The following ARID1B variants were observed in gnomAD, a reference collection of about 807,000 sequenced individuals.
ARID1B encodes AT-rich interaction domain 1B.
In ARID1B, 30 loss-of-function variants were observed where a neutral mutation model predicts 212.3. The ratio of observed to expected loss-of-function variants is 0.14; its 90% confidence interval spans 0.11 to 0.19. ARID1B has a LOEUF of 0.19. Ranked by LOEUF, ARID1B falls within the 10% of genes least tolerant of loss-of-function variation. The pLI is 1.00. For synonymous variants in ARID1B, 1,402 were observed against 1,301.7 expected, an observed-to-expected ratio of 1.08 and a Z score of -1.66; for missense variants, 2,891 against 3,204.0, an observed-to-expected ratio of 0.90 and a Z score of 2.36.
At chr6:157,104,910 A>G (rs1047227448) in intron 5 of ARID1B, among the ~76,000 whole-genome samples, 6 of 152,218 alleles carry the variant, frequency 3.9e-5, no homozygotes, top group African/African-American at 1.4e-4. Context: ...AAAACTTAGA[A>G]AACACTGAAA....
At chr6:156,966,402 T>C (rs1251985853) in intron 4 of ARID1B, among the ~76,000 whole-genome samples, 6 of 145,852 alleles carry the variant, frequency 4.1e-5, no homozygotes, top group South Asian at 2.1e-4. Context: ...TTTTTTTTTT[T>C]TTTTTTTTGA....
chr6:157,162,607 G>A (rs1471175385), intron 8 of ARID1B, among the ~76,000 whole-genome samples: 1 of 152,212 alleles, frequency 6.6e-6, no homozygotes, highest in Non-Finnish European at 1.5e-5. Context: ...TAGAATGACA[G>A]TTCTTAAATA....
rs58722867 is a variant in ARID1B at position 156,946,203 on chromosome 6, G to GAAAA, written c.2247+10641_2247+10644dup. ...GAAACCCCGTCTCTACTAAAAATAC[G>GAAAA]AAAAAAAAAAAAAAAAATGTTCGCC... On this transcript the variant is annotated intron_variant, in intron 4 of 19. Transcript: ENST00000636930. Among the ~76,000 whole-genome samples, 653 of 127,980 alleles carry GAAAA rather than the reference G, an allele frequency of 5.1e-3. 7 individuals are homozygous for GAAAA. Among genetic ancestry groups the GAAAA allele is most frequent in the African/African-American group, 0.018 (623 of 35,122 alleles). The allele number at this position is 127,980 out of a possible 152,430, so 84.0% of individuals were successfully genotyped here.
chr6:156,782,396 G>C (rs1179156693), intron 1 of ARID1B, among the ~76,000 whole-genome samples: 1 of 151,998 alleles, frequency 6.6e-6, no homozygotes, highest in Non-Finnish European at 1.5e-5. Flanking sequence ...GCCATTTGAC[G>C]ATTCAGTTTA....
intron 1 of ARID1B, among the ~76,000 whole-genome samples, chr6:156,800,076 A>G (rs1780671210): frequency 1.3e-5 from 2 of 152,102 alleles, no homozygotes; most frequent in Non-Finnish European, 2.9e-5. Flanking sequence ...ACTGAAGCGT[A>G]TTTCTTCTTT....
intron 4 of ARID1B, among the ~76,000 whole-genome samples, chr6:156,951,437 TTTTC>T (rs1402028113): frequency 1.3e-5 from 2 of 152,218 alleles, no homozygotes; most frequent in East Asian, 3.9e-4. Flanking sequence ...ACTTCATTTA[TTTTC>T]TTTCTTTTTC....
intron 4 of ARID1B, among the ~76,000 whole-genome samples, chr6:156,999,577 G>A (rs1366648194): frequency 7.9e-5 from 12 of 152,212 alleles, no homozygotes; most frequent in Non-Finnish European, 8.8e-5. Context: ...TGATGCTAGT[G>A]ATGAAGAGCC....
intron 5 of ARID1B, among the ~76,000 whole-genome samples, chr6:157,095,950 C>CCGA (rs1490713115): frequency 6.6e-6 from 1 of 152,172 alleles, no homozygotes; most frequent in African/African-American, 2.4e-5. Flanking sequence ...TTCTTAGAAG[C>CCGA]CGACGGAGGA....
At chr6:156,843,878 G>C (rs776637066) in intron 2 of ARID1B, among the ~76,000 whole-genome samples, 12 of 152,176 alleles carry the variant, frequency 7.9e-5, no homozygotes, top group Non-Finnish European at 1.5e-4. Flanking sequence ...CTTGGATGCA[G>C]TGTGAGGAGT....
chr6:156,998,937 C>T (rs1646389032), intron 4 of ARID1B, among the ~76,000 whole-genome samples: 1 of 152,350 alleles, frequency 6.6e-6, no homozygotes, highest in Non-Finnish European at 1.5e-5. Flanking sequence ...GCAGGCTTCA[C>T]TGGTGTGAGA....
At chr6:156,811,752 C>T (rs1781565840) in intron 1 of ARID1B, among the ~76,000 whole-genome samples, 1 of 152,100 alleles carries the variant, frequency 6.6e-6, no homozygotes, top group Non-Finnish European at 1.5e-5. Flanking sequence ...GACGCTAGTC[C>T]CAAATACAAT....
Position 157,200,559 on chromosome 6 carries a change from ATTGTTAGTTCTCTG to A in ARID1B, c.4480-139_4480-126del. The stretch of plus-strand genomic sequence containing the variant: ...TATAATACTGAAATATTGAACATAA[ATTGTTAGTTCTCTG>A]TTGTTATAGGAGCTTCCCATATTCA... On this transcript the variant is annotated intron_variant, in intron 17 of 19. Transcript: ENST00000636930. The surrounding 1 kb of genome is among the most constrained non-coding windows in gnomAD (Gnocchi z 4.3). 1 of 866,650 alleles carries A rather than the reference ATTGTTAGTTCTCTG, an allele frequency of 1.2e-6. No homozygotes were observed. The highest frequency in any genetic ancestry group is 1.7e-6 in the Non-Finnish European group (1 of 580,900). The allele number at this position is 866,650 out of a possible 1,614,324, so 53.7% of individuals were successfully genotyped here.
chr6:157,093,618 A>G (rs1240836447), intron 5 of ARID1B, among the ~76,000 whole-genome samples: 1 of 152,244 alleles, frequency 6.6e-6, no homozygotes, highest in Non-Finnish European at 1.5e-5. Context: ...GGAATTGTTA[A>G]TGTTGATATT....
At chr6:157,108,643 C>T (rs573740929) in intron 5 of ARID1B, among the ~76,000 whole-genome samples, 3 of 152,296 alleles carry the variant, frequency 2.0e-5, no homozygotes, top group African/African-American at 4.8e-5. Flanking sequence ...GTAGCCAAGT[C>T]GGTGACCAGT....
At chr6:156,862,849 A>G (rs1390497846) in intron 2 of ARID1B, among the ~76,000 whole-genome samples, 2 of 152,222 alleles carry the variant, frequency 1.3e-5, no homozygotes, top group East Asian at 3.8e-4. Flanking sequence ...TCATGAAGAG[A>G]CAGGGAAATA....
In ARID1B at chr6:157,004,890, C is replaced by CTTTTTTGTTTTTTTTTTTTTTTTTT. The variant is rs1779118895; in HGVS notation, c.2247+69320_2247+69321insGTTTTTTTTTTTTTTTTTTTTTTTT. On this transcript the variant is annotated intron_variant, in intron 4 of 19. Coordinates refer to ENST00000636930, the MANE Select transcript of ARID1B (RefSeq NM_001374828.1). ...GCATTTCTTTTTTCTTTTTCTTCTT[C>CTTTTTTGTTTTTTTTTTTTTTTTTT]TTTTTTCTTTTTTTTTTTTTTTTTT... Among the ~76,000 whole-genome samples, 21 of 35,692 alleles carry CTTTTTTGTTTTTTTTTTTTTTTTTT rather than the reference C, an allele frequency of 5.9e-4. 4 individuals are homozygous for CTTTTTTGTTTTTTTTTTTTTTTTTT. The highest frequency in any genetic ancestry group is 1.4e-3 in the East Asian group (1 of 728). The allele number at this position is 35,692 out of a possible 152,430, so 23.4% of individuals were successfully genotyped here.
chr6:156,981,304 A>G (rs1777587913), intron 4 of ARID1B, among the ~76,000 whole-genome samples: 1 of 152,188 alleles, frequency 6.6e-6, no homozygotes, highest in Non-Finnish European at 1.5e-5. Context: ...CAGGCAATGG[A>G]GAGTCTCTGC....
intron 6 of ARID1B, among the ~76,000 whole-genome samples, chr6:157,122,950 G>A (rs2128554386): frequency 6.6e-6 from 1 of 152,218 alleles, no homozygotes; most frequent in East Asian, 1.9e-4. Context: ...CCAAAGTACT[G>A]GGATTACAGG....
At chr6:157,002,854 A>G (rs1237858449) in intron 4 of ARID1B, among the ~76,000 whole-genome samples, 3 of 152,234 alleles carry the variant, frequency 2.0e-5, no homozygotes, top group Non-Finnish European at 4.4e-5. Flanking sequence ...TGTAGAAAAC[A>G]GTGTTAATCT....
Sources: gnomAD v4.1 joint callset for allele counts (sites outside exome capture counted in the v4.1 genomes callset) on GRCh38, gnomAD v4.1.1 for gene constraint, Gnocchi (gnomAD v3.1) non-coding constraint, MANE v1.5 for transcripts, NCBI Gene and HGNC (gene_info 2026-07-23, HGNC 2026-07-21) for gene names.